ADD3: variants seen among roughly 807,000 people sequenced by gnomAD.
ADD3 encodes the protein adducin 3.
A neutral mutation model predicts 80.2 loss-of-function variants in ADD3; 25 were observed. The ratio of observed to expected loss-of-function variants is 0.31; its 90% confidence interval spans 0.23 to 0.44. The LOEUF is 0.44. Among genes scored for constraint, ADD3 ranks in the 20% least tolerant of loss-of-function variants. ADD3 has a pLI of 1.00. For synonymous variants in ADD3, 284 were observed against 289.6 expected (o/e 0.98, Z 0.20); for missense variants, 829 against 847.5 (o/e 0.98, Z 0.27).
intron 1 of ADD3, among the ~76,000 whole-genome samples, chr10:110,057,318 C>G (rs1858322750): frequency 6.6e-6 from 1 of 152,124 alleles, no homozygotes; most frequent in African/African-American, 2.4e-5. Context: ...CTTAAAGATG[C>G]AGGAAAACAG....
At chr10:110,009,117 G>A (rs1218367919) in intron 1 of ADD3, among the ~76,000 whole-genome samples, 1 of 152,136 alleles carries the variant, frequency 6.6e-6, no homozygotes. Context: ...TTGAAAATGG[G>A]AGCGCAAGGA....
chr10:110,111,368 CAA>C (rs1480982614), intron 2 of ADD3, among the ~76,000 whole-genome samples: 2 of 152,188 alleles, frequency 1.3e-5, no homozygotes, highest in Non-Finnish European at 2.9e-5. Flanking sequence ...GAACAAATGA[CAA>C]ACTTAATAAG....
chr10:110,036,641 G>T (rs1203828413), intron 1 of ADD3, among the ~76,000 whole-genome samples: 1 of 151,708 alleles, frequency 6.6e-6, no homozygotes, highest in African/African-American at 2.4e-5. Flanking sequence ...CAAAGTGCTG[G>T]GATTACAGGC....
intron 3 of ADD3, among the ~76,000 whole-genome samples, chr10:110,115,174 G>C (rs1005841268): frequency 1.3e-5 from 2 of 151,656 alleles, no homozygotes; most frequent in Non-Finnish European, 2.9e-5. Context: ...TGGATCATCT[G>C]AGGTCAGGAG....
intron 1 of ADD3, among the ~76,000 whole-genome samples, chr10:110,041,145 C>G (rs1056458989): frequency 6.6e-6 from 1 of 152,170 alleles, no homozygotes; most frequent in African/African-American, 2.4e-5. Context: ...GATACTTGAA[C>G]AGCAGACCAC....
upstream of ADD3, among the ~76,000 whole-genome samples, chr10:110,000,942 T>G (rs895122405): frequency 2.0e-5 from 3 of 152,198 alleles, no homozygotes; most frequent in African/African-American, 7.2e-5. Flanking sequence ...TTCACATTAC[T>G]CTACCAAACA....
intron 2 of ADD3, among the ~76,000 whole-genome samples, chr10:110,104,219 A>G (rs532937362): frequency 6.6e-6 from 1 of 152,340 alleles, no homozygotes; most frequent in South Asian, 2.1e-4. Context: ...GTCCAAAGCA[A>G]TTGTGAAATC....
chr10:110,085,283 A>G (rs1187818626), intron 1 of ADD3, among the ~76,000 whole-genome samples: 2 of 152,242 alleles, frequency 1.3e-5, no homozygotes, highest in African/African-American at 2.4e-5. Flanking sequence ...TGGGGCATAT[A>G]TAATCTGGAG....
intron 2 of ADD3, among the ~76,000 whole-genome samples, chr10:110,111,557 A>T (rs1349509491): frequency 6.6e-6 from 1 of 151,892 alleles, no homozygotes; most frequent in African/African-American, 2.4e-5. Context: ...TACCTCACCC[A>T]CCCCACCCCC....
intron 1 of ADD3, among the ~76,000 whole-genome samples, chr10:110,024,228 C>T (rs1000291913): frequency 5.3e-5 from 8 of 152,170 alleles, no homozygotes; most frequent in African/African-American, 1.9e-4. Flanking sequence ...AGGCATTGGG[C>T]TTTGCAATAT....
chr10:110,102,086 T>C (rs376395470), intron 2 of ADD3, among the ~76,000 whole-genome samples: 2 of 152,298 alleles, frequency 1.3e-5, no homozygotes, highest in South Asian at 2.1e-4. Context: ...GTACAAGTTA[T>C]AAAAGCAATG....
At chr10:110,121,914 A>C (rs1318782308) in intron 8 of ADD3, 196 bp from the exon 9 acceptor site, 5 of 448,464 alleles carry the variant, frequency 1.1e-5, no homozygotes, top group Non-Finnish European at 1.9e-5. Context: ...GAGTCTTGGA[A>C]GGTTTCTTTT....
chr10:110,100,688 C>G lies in ADD3; in HGVS notation c.35C>G (p.Thr12Ser). The change falls in exon 2 of 15, where the codon ACT becomes AGT. Residue 12 changes from threonine (T) to serine (S), a missense_variant. Transcript: ENST00000356080. ...GATGCCAGCCAAGGCGTGATTACCA[C>G]TCCTCCTCCTCCCAGCATGCCTCAC... ...SSDASQGVIT[T>S]PPPPSMPHKE... 6.2e-7 allele frequency: 1 copy of G among 1,609,800 alleles called. No individual in the cohort carries two copies. Among genetic ancestry groups the G allele is most frequent in the Non-Finnish European group, 8.5e-7 (1 of 1,177,924 alleles).
At chr10:110,074,184 G>C (rs1404217381) in intron 1 of ADD3, among the ~76,000 whole-genome samples, 1 of 151,360 alleles carries the variant, frequency 6.6e-6, no homozygotes, top group Non-Finnish European at 1.5e-5. Flanking sequence ...CCTTTTTTTT[G>C]GTTTTGTACT....
intron 1 of ADD3, among the ~76,000 whole-genome samples, chr10:110,019,759 A>C (rs1020354136): frequency 1.2e-4 from 19 of 152,206 alleles, no homozygotes; most frequent in African/African-American, 4.6e-4. Context: ...AGCTGAATTC[A>C]CCAGTTTGTA....
At chr10:110,000,769 T>C (rs1211269315) in intron 1 of ADD3, among the ~76,000 whole-genome samples, 1 of 152,216 alleles carries the variant, frequency 6.6e-6, no homozygotes, top group Non-Finnish European at 1.5e-5. Context: ...AAGTTACTTA[T>C]TCTCTCCAAG....
chr10:110,126,036 G>A, intron 11 of ADD3, 91 bp downstream of exon 11: 1 of 1,320,612 alleles, frequency 7.6e-7, no homozygotes, highest in Non-Finnish European at 1.0e-6. Flanking sequence ...GCCAAACTTA[G>A]AAGTTTGAAT....
At chr10:110,100,903 A>G in intron 2 of ADD3, 55 bp downstream of exon 2, 1 of 1,486,022 alleles carries the variant, frequency 6.7e-7, no homozygotes. Context: ...TGTTAGTATA[A>G]TAAGGTAGAA....
intron 1 of ADD3, among the ~76,000 whole-genome samples, chr10:110,027,101 T>G (rs1166104328): frequency 6.6e-6 from 1 of 152,212 alleles, no homozygotes; most frequent in Non-Finnish European, 1.5e-5. Context: ...AACCAAAAAT[T>G]GGAAAGATGG....
Sources: allele counts gnomAD v4.1 joint callset (sites outside exome capture counted in the v4.1 genomes callset), GRCh38; gene constraint gnomAD v4.1.1; transcripts MANE v1.5; gene names NCBI Gene and HGNC (gene_info 2026-07-23, HGNC 2026-07-21).